Variants in ELMO1 observed in about 807,000 individuals in gnomAD.
The protein encoded by ELMO1 is engulfment and cell motility 1, also known as engulfment and cell motility protein 1.
Under a neutral mutation model 98.9 loss-of-function variants are expected in ELMO1, and 26 were observed. The ratio of observed to expected loss-of-function variants is 0.26; its 90% CI spans 0.19 to 0.36. ELMO1 has a LOEUF of 0.36. ELMO1 is among the 10% of genes least tolerant of loss of function. The probability of loss-of-function intolerance (pLI) is 1.00; values close to 1 mark genes in which losing one functional copy is unlikely to be tolerated. For missense variants in ELMO1, 627 were observed against 935.2 expected (o/e 0.67, Z 4.30); for synonymous variants, 346 against 346.0 (o/e 1.00, Z 0.00).
intron 11 of ELMO1, among the ~76,000 whole-genome samples, chr7:37,214,105 T>A (rs1006274385): frequency 6.6e-6 from 1 of 151,974 alleles, no homozygotes; most frequent in Non-Finnish European, 1.5e-5. Flanking sequence ...ATACAAGGAG[T>A]GGCAGGACAG....
chr7:36,881,449 C>T (rs1562793058), intron 18 of ELMO1, among the ~76,000 whole-genome samples: 2 of 152,078 alleles, frequency 1.3e-5, no homozygotes, highest in East Asian at 1.9e-4. Flanking sequence ...TCCCTCTGGG[C>T]GATGAAAGAG....
rs1554438163 is a variant in ELMO1 at position 37,188,498 on chromosome 7, AAAAAAT to A, written c.1086+22882_1086+22887del. Among the ~76,000 whole-genome samples the A allele has an allele frequency of 6.4e-4, 27 of 42,482 alleles. 1 individual carries two copies. The highest frequency in any genetic ancestry group is 1.1e-3 in the East Asian group (2 of 1,786). 27.9% of individuals were successfully genotyped at this position (42,482 alleles called of 152,430 possible). ...CCACTGGAGAAAGGTAAAAAAAAAA[AAAAAAT>A]AATAATAATAATAATAATAATAACT... On this transcript the variant is annotated intron_variant, in intron 13 of 21. Coordinates refer to ENST00000310758, the MANE Select transcript of ELMO1 (RefSeq NM_014800.11).
intron 13 of ELMO1, among the ~76,000 whole-genome samples, chr7:37,210,437 CATG>C (rs1792889933): frequency 6.6e-6 from 1 of 151,570 alleles, no homozygotes; most frequent in South Asian, 2.1e-4. Context: ...ACACATAAAG[CATG>C]ATACCATTTG....
chr7:36,995,905 A>G (rs1289038982), intron 16 of ELMO1, among the ~76,000 whole-genome samples: 10 of 152,302 alleles, frequency 6.6e-5, no homozygotes, highest in African/African-American at 2.4e-4. Flanking sequence ...ATGATGAGCC[A>G]AAGGAACCTT....
chr7:37,321,196 C>T (rs917119050), intron 2 of ELMO1, among the ~76,000 whole-genome samples: 8 of 152,258 alleles, frequency 5.3e-5, no homozygotes, highest in African/African-American at 1.9e-4. Context: ...GTTCTCATTT[C>T]CTATAGAAAG....
chr7:37,146,033 A>T (rs1332844459), intron 13 of ELMO1, among the ~76,000 whole-genome samples: 3 of 152,096 alleles, frequency 2.0e-5, no homozygotes. Context: ...TGCACCTGAA[A>T]ATCCCCTGGG....
chr7:37,230,643 A>G (rs549370824), intron 8 of ELMO1, among the ~76,000 whole-genome samples: 1 of 152,374 alleles, frequency 6.6e-6, no homozygotes, highest in South Asian at 2.1e-4. Flanking sequence ...AGGAATTCAC[A>G]TTCAGTACAA....
At chr7:37,050,150 C>T (rs1796023220) in intron 15 of ELMO1, among the ~76,000 whole-genome samples, 1 of 152,058 alleles carries the variant, frequency 6.6e-6, no homozygotes, top group African/African-American at 2.4e-5. Context: ...GCAACCTTGG[C>T]TCACTGCAAA....
chr7:37,129,552 C>T (rs1786764473), intron 14 of ELMO1, among the ~76,000 whole-genome samples: 1 of 152,204 alleles, frequency 6.6e-6, no homozygotes, highest in South Asian at 2.1e-4. Context: ...TCCTTAATGG[C>T]ACCACTGTCT....
At chr7:37,125,208 T>A (rs1010953840) in intron 14 of ELMO1, among the ~76,000 whole-genome samples, 3 of 152,142 alleles carry the variant, frequency 2.0e-5, no homozygotes, top group Non-Finnish European at 4.4e-5. Flanking sequence ...GGCATTACCA[T>A]TCAGGACATA....
intron 1 of ELMO1, among the ~76,000 whole-genome samples, chr7:37,359,953 C>T (rs545562527): frequency 7.9e-5 from 12 of 152,192 alleles, no homozygotes; most frequent in Non-Finnish European, 1.5e-4. Context: ...TCCACAGAGA[C>T]TCCATTTTTG....
intron 1 of ELMO1, among the ~76,000 whole-genome samples, chr7:37,383,344 C>T (rs1021819023): frequency 6.6e-6 from 1 of 152,192 alleles, no homozygotes; most frequent in Non-Finnish European, 1.5e-5. Context: ...GTTTATCTAA[C>T]ATCTCGCCTC....
chr7:36,951,055 A>G (rs1199873756), intron 16 of ELMO1, among the ~76,000 whole-genome samples: 1 of 152,172 alleles, frequency 6.6e-6, no homozygotes, highest in African/African-American at 2.4e-5. Flanking sequence ...TCTAAAACAT[A>G]TCTCACAAGT....
At chr7:37,442,396 G>T (rs555292464) in intron 1 of ELMO1, among the ~76,000 whole-genome samples, 2 of 152,286 alleles carry the variant, frequency 1.3e-5, no homozygotes, top group South Asian at 2.1e-4. Context: ...ATTAGCAAAA[G>T]TTATGAGGAG....
At position 37,271,894 on chromosome 7, in the gene ELMO1, G is replaced by GA. The variant is rs774195823; in HGVS notation, c.193-13dup. On this transcript the variant is annotated splice_polypyrimidine_tract_variant and intron_variant, in intron 4 of 21. Coordinates refer to ENST00000310758, the MANE Select transcript of ELMO1 (RefSeq NM_014800.11). ...ATCTCATTGCGGTTCTGGAAAAGAA[G>GA]AAAAAATCTTTGTAAATTTTCAAGT... 1.2e-6 allele frequency: 2 copies of GA among 1,612,682 alleles called. No homozygotes were observed. The highest frequency in any genetic ancestry group is 8.5e-7 in the Non-Finnish European group (1 of 1,179,392).
At chr7:37,162,651 T>G (rs536831980) in intron 13 of ELMO1, among the ~76,000 whole-genome samples, 1 of 152,316 alleles carries the variant, frequency 6.6e-6, no homozygotes, top group Non-Finnish European at 1.5e-5. Flanking sequence ...AAAACAGGAC[T>G]TGTAAAAATA....
intron 15 of ELMO1, among the ~76,000 whole-genome samples, chr7:37,087,419 A>G (rs192826658): frequency 6.6e-6 from 1 of 152,140 alleles, no homozygotes; most frequent in Admixed American, 6.5e-5. Context: ...GAATGATGCT[A>G]GCTTGTCACT....
chr7:36,878,202 G>A (rs559050732), intron 18 of ELMO1, 85 bp from the exon 19 acceptor site: 6 of 999,550 alleles, frequency 6.0e-6, no homozygotes, highest in South Asian at 5.6e-5. Context: ...ACTCTTGCCT[G>A]GAGGAAACAA....
intron 4 of ELMO1, among the ~76,000 whole-genome samples, chr7:37,300,905 T>C (rs754415770): frequency 2.0e-5 from 3 of 152,134 alleles, no homozygotes; most frequent in Non-Finnish European, 4.4e-5. Flanking sequence ...TCCTGGACTC[T>C]TTTTGGTTGG....
Sources: allele counts gnomAD v4.1 joint callset (sites outside exome capture counted in the v4.1 genomes callset), GRCh38; gene constraint gnomAD v4.1.1; transcripts MANE v1.5; gene names NCBI Gene and HGNC (gene_info 2026-07-23, HGNC 2026-07-21).